The following NRXN1 variants were observed in gnomAD, a reference collection of about 807,000 sequenced individuals.
The protein encoded by NRXN1 is neurexin-1.
A neutral mutation model predicts 150.9 loss-of-function variants in NRXN1; 39 were observed. That is an observed-to-expected ratio of 0.26 (90% CI 0.20 to 0.34). The LOEUF is 0.34. Among genes scored for constraint, NRXN1 ranks in the 10% least tolerant of loss-of-function variants. The pLI is 1.00. For missense variants in NRXN1, 1,815 were observed against 1,949.9 expected (o/e 0.93, Z 1.30); for synonymous variants, 924 against 757.0 (o/e 1.22, Z -3.62).
chr2:49,999,042 ATCT>A (rs5831067), intron 21 of NRXN1, among the ~76,000 whole-genome samples: 71,853 of 151,696 alleles, frequency 0.47, 17,583 homozygotes, highest in Middle Eastern at 0.62. Flanking sequence ...TAATCTGGGG[ATCT>A]TCTTAAAATT....
rs139835967 is a variant in NRXN1, at chr2:50,173,871, C to T, written c.3546+62918G>A. Among the ~76,000 whole-genome samples, 653 of 152,146 alleles carry T rather than the reference C, an allele frequency of 4.3e-3. 1 individual carries two copies. Among genetic ancestry groups the T allele is most frequent in the Non-Finnish European group, 6.3e-3 (429 of 67,978 alleles). On this transcript the variant is annotated intron_variant, in intron 18 of 22. Transcript: ENST00000401669. ...TTTGTGTTCCCTCTGTACATTCAAA[C>T]CTTCTAATATGGTTTATTTATTATG...
chr2:50,004,950 GAGA>G (rs1684520423), intron 21 of NRXN1, among the ~76,000 whole-genome samples: 1 of 135,756 alleles, frequency 7.4e-6, no homozygotes, highest in Admixed American at 7.4e-5. Context: ...TCCACAGTTT[GAGA>G]AGATGATTGT....
chr2:50,318,840 C>A (rs1278746232), intron 17 of NRXN1, among the ~76,000 whole-genome samples: 3 of 152,046 alleles, frequency 2.0e-5, no homozygotes, highest in African/African-American at 7.2e-5. Flanking sequence ...GGGGCATACA[C>A]AGTGCTTCAG....
intron 2 of NRXN1, among the ~76,000 whole-genome samples, chr2:51,018,385 T>A (rs1447587590): frequency 6.6e-6 from 1 of 152,040 alleles, no homozygotes. Context: ...TGAGCGTGAG[T>A]AACTAGACAA....
intron 5 of NRXN1, among the ~76,000 whole-genome samples, chr2:50,895,881 A>G (rs747315138): frequency 5.3e-5 from 8 of 152,076 alleles, no homozygotes; most frequent in Non-Finnish European, 1.2e-4. Flanking sequence ...TGCCTGGCCT[A>G]TGCAAGAAAT....
intron 18 of NRXN1, among the ~76,000 whole-genome samples, chr2:50,133,779 G>A (rs1252825651): frequency 1.3e-5 from 2 of 152,088 alleles, no homozygotes; most frequent in East Asian, 3.9e-4. Context: ...ACTAACAGTT[G>A]CTATTAACAG....
At chr2:51,019,383 A>G (rs947997264) in intron 2 of NRXN1, among the ~76,000 whole-genome samples, 1 of 152,144 alleles carries the variant, frequency 6.6e-6, no homozygotes, top group Admixed American at 6.6e-5. Context: ...CTCGAAAAAC[A>G]CTAAATAGTA....
chr2:50,150,993 A>G (rs1445251407), intron 18 of NRXN1, among the ~76,000 whole-genome samples: 1 of 151,756 alleles, frequency 6.6e-6, no homozygotes, highest in Admixed American at 6.6e-5. Flanking sequence ...ATCTTCAAAA[A>G]ACTCAGATTT....
At chr2:50,252,728 GT>G (rs1208313525) in intron 17 of NRXN1, among the ~76,000 whole-genome samples, 5 of 152,198 alleles carry the variant, frequency 3.3e-5, no homozygotes, top group South Asian at 4.1e-4. Flanking sequence ...TCAGGTGGTT[GT>G]AGATGTGCAG....
At chr2:49,953,840 ACACCACAGCCTGT>A (rs537725630) in intron 21 of NRXN1, among the ~76,000 whole-genome samples, 183 of 152,110 alleles carry the variant, frequency 1.2e-3, no homozygotes, top group Non-Finnish European at 2.0e-3. Context: ...GCAACATCAC[ACACCACAGCCTGT>A]CAGGGTGTGG....
chr2:50,482,912 G>A (rs981128123), intron 15 of NRXN1, among the ~76,000 whole-genome samples: 3 of 151,868 alleles, frequency 2.0e-5, no homozygotes, highest in African/African-American at 4.8e-5. Context: ...TTAGCTGTGC[G>A]TGGTGGCATG....
intron 2 of NRXN1, among the ~76,000 whole-genome samples, chr2:50,972,750 G>A (rs189541731): frequency 5.9e-5 from 9 of 152,118 alleles, no homozygotes; most frequent in East Asian, 1.9e-4. Flanking sequence ...CAGGGTTTGC[G>A]CTCTTATGAC....
chr2:51,006,923 G>C (rs1700799086), intron 2 of NRXN1, among the ~76,000 whole-genome samples: 1 of 151,738 alleles, frequency 6.6e-6, no homozygotes, highest in Non-Finnish European at 1.5e-5. Flanking sequence ...TATCATTACT[G>C]TTCATCACTC....
At chr2:50,664,007 C>G (rs1687662135) in intron 5 of NRXN1, among the ~76,000 whole-genome samples, 1 of 151,954 alleles carries the variant, frequency 6.6e-6, no homozygotes, top group Non-Finnish European at 1.5e-5. Context: ...CAAATACAAT[C>G]TTTATAAAGC....
At chr2:50,621,165 C>T (rs200662852) in intron 7 of NRXN1, 61 bp downstream of exon 7, 4 of 1,459,820 alleles carry the variant, frequency 2.7e-6, no homozygotes, top group South Asian at 1.3e-5. Context: ...AGAAAACACA[C>T]GGCAAACCCA....
At position 50,500,904 on chromosome 2, in the gene NRXN1, G is replaced by A. The variant is rs113681207; in HGVS notation, c.2498-3190C>T. Among the ~76,000 whole-genome samples the A allele has an allele frequency of 1.2e-3, 189 of 152,236 alleles. 1 individual carries two copies. The highest frequency in any genetic ancestry group is 4.2e-3 in the African/African-American group (176 of 41,542). On this transcript the variant is annotated intron_variant, in intron 13 of 22. Coordinates refer to ENST00000401669, the MANE Select transcript of NRXN1 (RefSeq NM_001330078.2). ...TGCTGATTGTGTGGTATATGTGTCC[G>A]GTGCTAGCCTTGGTATTGGAGAAAT... is the stretch of plus-strand genomic sequence containing the variant.
At chr2:50,641,545 C>T (rs969703704) in intron 5 of NRXN1, among the ~76,000 whole-genome samples, 1 of 152,040 alleles carries the variant, frequency 6.6e-6, no homozygotes, top group African/African-American at 2.4e-5. Context: ...TGGCATACAA[C>T]CGAGAGACAT....
At chr2:50,865,408 A>G (rs1310872057) in intron 5 of NRXN1, among the ~76,000 whole-genome samples, 1 of 151,876 alleles carries the variant, frequency 6.6e-6, no homozygotes, top group Non-Finnish European at 1.5e-5. Flanking sequence ...AAATCATCCC[A>G]GTTTTATAAA....
At chr2:50,431,066 C>A (rs1169791522) in intron 17 of NRXN1, among the ~76,000 whole-genome samples, 1 of 152,196 alleles carries the variant, frequency 6.6e-6, no homozygotes, top group African/African-American at 2.4e-5. Flanking sequence ...GATGCCCATG[C>A]TTTTTAAAAT....
Sources: gnomAD v4.1 joint callset for allele counts (sites outside exome capture counted in the v4.1 genomes callset) on GRCh38, gnomAD v4.1.1 for gene constraint, MANE v1.5 for transcripts, NCBI Gene and HGNC (gene_info 2026-07-23, HGNC 2026-07-21) for gene names.